The following COL5A2 variants were observed in gnomAD, a reference collection of about 807,000 sequenced individuals.
The protein encoded by COL5A2 is collagen alpha-2(V) chain.
Under a neutral mutation model 208.2 loss-of-function variants are expected in COL5A2, and 23 were observed. That is an observed-to-expected ratio of 0.11 (90% CI 0.08 to 0.16). The LOEUF (loss-of-function observed/expected upper bound fraction) is 0.16, where lower values mean the gene tolerates loss of function less well. Among genes scored for constraint, COL5A2 ranks in the 10% least tolerant of loss-of-function variants. The pLI, the probability that COL5A2 is intolerant of heterozygous loss-of-function variation, is 1.00. For synonymous variants in COL5A2, 625 were observed against 628.5 expected (o/e 0.99, Z 0.08); for missense variants, 1,590 against 1,956.4 (o/e 0.81, Z 3.53).
chr2:189,086,769 C>T lies in COL5A2; in HGVS notation c.647G>A (p.Gly216Asp), dbSNP rs1686672811. ...CTGTGGTCCCCTTGGGCCAACAGGACCCTTAAAAACAAATGAGGAGAAACG... is the reference window on the plus strand; with the variant it reads ...CTGTGGTCCCCTTGGGCCAACAGGATCCTTAAAAACAAATGAGGAGAAACG... ...SQVGLMPGSVGPVGPRGPQGL... is the reference protein window; with the variant it reads ...SQVGLMPGSVDPVGPRGPQGL... The change falls in exon 9 of 54, where the codon GGT becomes GAT. Residue 216 changes from glycine (G) to aspartate (D), a missense_variant and splice_region_variant. Gly to Asp is a moderately conservative substitution (Grantham distance 94). Transcript: ENST00000374866. The T allele has an allele frequency of 1.9e-6, 3 of 1,579,948 alleles. No individual in the cohort carries two copies. Among genetic ancestry groups the T allele is most frequent in the Non-Finnish European group, 2.6e-6 (3 of 1,159,320 alleles).
chr2:189,357,988 G>T, the COL5A2 span, among the ~76,000 whole-genome samples: 1 of 151,996 alleles, frequency 6.6e-6, no homozygotes, highest in South Asian at 2.1e-4. Flanking sequence ...GAAAGCCCAT[G>T]ACCCCTTGCA....
At chr2:189,253,082 T>A in the COL5A2 span, among the ~76,000 whole-genome samples, 1 of 152,178 alleles carries the variant, frequency 6.6e-6, no homozygotes, top group Non-Finnish European at 1.5e-5. Context: ...TGAAGAGATG[T>A]CTGGTGGCAT....
chr2:189,213,188 C>A (rs1689237337), intron 1 of COL5A2, among the ~76,000 whole-genome samples: 1 of 151,864 alleles, frequency 6.6e-6, no homozygotes, highest in African/African-American at 2.4e-5. Flanking sequence ...CCACGCCCTG[C>A]CTTAACACTA....
chr2:189,101,820 G>T (rs1439550823), intron 3 of COL5A2, among the ~76,000 whole-genome samples: 1 of 151,984 alleles, frequency 6.6e-6, no homozygotes, highest in Non-Finnish European at 1.5e-5. Context: ...GCAGGAGGCA[G>T]TTCTATAGGG....
intron 1 of COL5A2, among the ~76,000 whole-genome samples, chr2:189,117,081 A>G (rs1478637192): frequency 6.8e-6 from 1 of 147,290 alleles, no homozygotes; most frequent in Non-Finnish European, 1.5e-5. Flanking sequence ...TAAAATGGAA[A>G]AAATAGAAAG....
chr2:189,322,788 A>G, the COL5A2 span, among the ~76,000 whole-genome samples: 1 of 152,216 alleles, frequency 6.6e-6, no homozygotes, highest in African/African-American at 2.4e-5. Context: ...AACTACTCCA[A>G]TCAATAGAAA....
chr2:189,255,590 A>C, the COL5A2 span, among the ~76,000 whole-genome samples: 4 of 152,212 alleles, frequency 2.6e-5, no homozygotes, highest in Non-Finnish European at 4.4e-5. Flanking sequence ...CTATCTAAAT[A>C]ACTACTTTTT....
chr2:189,337,142 T>A, the COL5A2 span, among the ~76,000 whole-genome samples: 1 of 152,194 alleles, frequency 6.6e-6, no homozygotes, highest in Non-Finnish European at 1.5e-5. Context: ...TAATACTCCT[T>A]TCTAGCAGCA....
At chr2:189,211,620 GA>G (rs1689214415) in intron 1 of COL5A2, among the ~76,000 whole-genome samples, 1 of 151,846 alleles carries the variant, frequency 6.6e-6, no homozygotes, top group South Asian at 2.1e-4. Flanking sequence ...CAAATAAATA[GA>G]TAAGAAAATA....
At chr2:189,066,803 T>C (rs1686162657) in intron 21 of COL5A2, 21 bp from the exon 22 acceptor site, 4 of 1,600,550 alleles carry the variant, frequency 2.5e-6, no homozygotes, top group Non-Finnish European at 2.6e-6. Flanking sequence ...TATATTGATA[T>C]TTGTAAGAAC....
intron 1 of COL5A2, among the ~76,000 whole-genome samples, chr2:189,203,692 G>A (rs373619727): frequency 1.9e-4 from 29 of 151,948 alleles, no homozygotes; most frequent in African/African-American, 7.0e-4. Flanking sequence ...AGTATATTCC[G>A]AACTCCAGAG....
chr2:189,043,245 G>C lies in COL5A2; in HGVS notation c.3377C>G (p.Pro1126Arg). The C allele has an allele frequency of 6.2e-7, 1 of 1,612,140 alleles. No individual in the cohort carries two copies. Among genetic ancestry groups the C allele is most frequent in the Non-Finnish European group, 8.5e-7 (1 of 1,178,456 alleles). The change falls in exon 48 of 54, where the codon CCT (proline) becomes CGT (arginine). Residue 1126 changes from proline to arginine, a missense_variant. By Grantham distance (103) the Pro-to-Arg change is moderately radical. Transcript: ENST00000374866. ...GKRGLPGPQG[P>R]RGDKGDHGDR... The stretch of plus-strand genomic sequence containing the variant: ...TCCATGATCACCTTTGTCACCACGA[G>C]GTCCTTGGGGTCCCTAGAAATAGAG...
chr2:189,321,097 T>C, the COL5A2 span, among the ~76,000 whole-genome samples: 10 of 152,286 alleles, frequency 6.6e-5, no homozygotes, highest in African/African-American at 9.6e-5. Context: ...AATAAAATCC[T>C]TTATAGACAA....
the COL5A2 span, among the ~76,000 whole-genome samples, chr2:189,275,781 T>G: frequency 6.6e-6 from 1 of 152,296 alleles, no homozygotes; most frequent in Admixed American, 6.5e-5. Flanking sequence ...TAAAAGAGAA[T>G]GCTTTCTTCT....
chr2:189,122,270 C>T (rs1687516716), intron 1 of COL5A2, among the ~76,000 whole-genome samples: 1 of 152,056 alleles, frequency 6.6e-6, no homozygotes, highest in Non-Finnish European at 1.5e-5. Context: ...TCACTATAAG[C>T]TGAAATTATC....
the COL5A2 span, among the ~76,000 whole-genome samples, chr2:189,244,118 G>T: frequency 6.6e-6 from 1 of 152,198 alleles, no homozygotes; most frequent in South Asian, 2.1e-4. Flanking sequence ...TGCCACAAAA[G>T]TCTCTGTCAT....
chr2:189,422,113 C>T, the COL5A2 span, among the ~76,000 whole-genome samples: 298 of 152,184 alleles, frequency 2.0e-3, 1 homozygote, highest in African/African-American at 6.6e-3. Flanking sequence ...TATCACATAG[C>T]CACAATGACC....
the COL5A2 span, among the ~76,000 whole-genome samples, chr2:189,361,913 C>T: frequency 6.6e-6 from 1 of 152,044 alleles, no homozygotes; most frequent in East Asian, 1.9e-4. Context: ...ATACCATTCT[C>T]CCCCACATTT....
In COL5A2 at chr2:189,033,055, A is replaced by T. The variant is rs576828032; in HGVS notation, c.*1015T>A. 32 of 152,694 alleles carry T rather than the reference A, an allele frequency of 2.1e-4. No individual in the cohort carries two copies. Among genetic ancestry groups the T allele is most frequent in the African/African-American group, 7.5e-4 (31 of 41,562 alleles). The allele number at this position is 152,694 out of a possible 1,614,324, so 9.5% of individuals were successfully genotyped here. A position where few individuals can be genotyped will look rare whatever the true frequency, so the allele number is the denominator to read the frequency against. On this transcript the variant is annotated 3_prime_UTR_variant, in exon 54 of 54. Transcript: ENST00000374866. ...GAAATGTTGGGTCATTTTTCCTATG[A>T]AAGTTCAAAGGCCAAATGGTCTAAT...
Sources: gnomAD v4.1 joint callset for allele counts (sites outside exome capture counted in the v4.1 genomes callset) on GRCh38, gnomAD v4.1.1 for gene constraint, MANE v1.5 for transcripts, NCBI Gene and HGNC (gene_info 2026-07-23, HGNC 2026-07-21) for gene names.